GPC3: variants seen among roughly 807,000 people sequenced by gnomAD.
GPC3 encodes glypican-3.
A neutral mutation model predicts 34.4 loss-of-function variants in GPC3; 3 were observed. That is an observed-to-expected ratio of 0.09 (90% CI 0.04 to 0.23). GPC3 has a LOEUF of 0.23. Ranked by LOEUF, GPC3 falls within the 10% of genes least tolerant of loss-of-function variation. The pLI is 1.00. For synonymous variants in GPC3, 177 were observed against 174.0 expected (o/e 1.02, Z -0.13); for missense variants, 351 against 445.6 (o/e 0.79, Z 1.91).
chrX:133,609,937 T>C (rs925051258), intron 6 of GPC3, among the ~76,000 whole-genome samples: 18 of 112,379 alleles, frequency 1.6e-4, no homozygotes, highest in Middle Eastern at 4.6e-3. Flanking sequence ...GAAATAAGTA[T>C]ACAGTTGGAA....
Position 133,728,785 on chromosome X carries a change from T to G in GPC3, c.1032+24697A>C, listed in dbSNP as rs189493824. ...ATAACCTGAGTCTTGAAGGGCAATATGCTGAAAAGCTGTGCATTAGCTTTT... is the reference window on the plus strand; with the variant it reads ...ATAACCTGAGTCTTGAAGGGCAATAGGCTGAAAAGCTGTGCATTAGCTTTT... On this transcript the variant is annotated intron_variant, in intron 3 of 7. Coordinates refer to ENST00000370818, the MANE Select transcript of GPC3 (RefSeq NM_004484.4). Among the ~76,000 whole-genome samples the G allele has an allele frequency of 2.5e-4, 28 of 112,481 alleles. No homozygotes were observed. In the Middle Eastern group the frequency reaches 0.014, roughly 55 times the overall value.
chrX:133,795,337 G>A (rs1198354274), intron 2 of GPC3, among the ~76,000 whole-genome samples: 1 of 112,206 alleles, frequency 8.9e-6, no homozygotes, highest in African/African-American at 3.2e-5. Context: ...CACATAAAGT[G>A]GTCATAGCCA....
chrX:133,917,454 G>T lies in GPC3; in HGVS notation c.337+35596C>A, dbSNP rs1005846152. 2.7e-5 allele frequency among the ~76,000 whole-genome samples: 3 copies of T among 111,929 alleles called. No individual in the cohort carries two copies. The Admixed American group carries it at 2.9e-4, about 11-fold the overall frequency. ...AACCATGACTTAAACTGAAAAAGATGAAAACCTCAAGTTTAAATGGTCCAG... is the reference window on the plus strand; with the variant it reads ...AACCATGACTTAAACTGAAAAAGATTAAAACCTCAAGTTTAAATGGTCCAG... On this transcript the variant is annotated intron_variant, in intron 2 of 7. Transcript: ENST00000370818.
intron 4 of GPC3, among the ~76,000 whole-genome samples, chrX:133,697,779 C>G (rs1430366669): frequency 1.8e-5 from 2 of 112,175 alleles, no homozygotes; most frequent in African/African-American, 3.2e-5. Flanking sequence ...TTGATTCACT[C>G]AGGACATACT....
intron 2 of GPC3, among the ~76,000 whole-genome samples, chrX:133,804,621 A>T (rs909669416): frequency 5.4e-5 from 6 of 111,442 alleles, no homozygotes; most frequent in Non-Finnish European, 9.4e-5. Context: ...TTTTCTTAAC[A>T]TAATATTTCA....
chrX:133,883,041 C>A (rs1198600535), intron 2 of GPC3, among the ~76,000 whole-genome samples: 1 of 110,176 alleles, frequency 9.1e-6, no homozygotes, highest in Non-Finnish European at 1.9e-5. Context: ...GCCCCAAATG[C>A]CTTCACAGTC....
At chrX:133,974,006 C>T (rs929552950) in intron 1 of GPC3, among the ~76,000 whole-genome samples, 2 of 112,141 alleles carry the variant, frequency 1.8e-5, no homozygotes, top group Non-Finnish European at 1.9e-5. Context: ...TCACCTACTG[C>T]TAAGAGTAAC....
chrX:133,590,684 G>C (rs1438654570), intron 7 of GPC3, among the ~76,000 whole-genome samples: 1 of 111,644 alleles, frequency 9.0e-6, no homozygotes, highest in Non-Finnish European at 1.9e-5. Flanking sequence ...GACCACATGT[G>C]GGGAGCCCTT....
intron 2 of GPC3, among the ~76,000 whole-genome samples, chrX:133,846,248 G>A (rs762512714): frequency 1.8e-5 from 2 of 112,067 alleles, no homozygotes; most frequent in South Asian, 3.8e-4. Flanking sequence ...CTGAATTAAT[G>A]AGGTTCAACT....
intron 3 of GPC3, 47 bp downstream of exon 3, chrX:133,753,435 A>AC: frequency 2.9e-6 from 3 of 1,032,443 alleles, no homozygotes; most frequent in South Asian, 3.8e-5. Flanking sequence ...TGGCCACCTC[A>AC]CCCCAATAAG....
intron 7 of GPC3, among the ~76,000 whole-genome samples, chrX:133,544,826 C>T (rs767223213): frequency 3.7e-4 from 41 of 112,049 alleles, no homozygotes; most frequent in Middle Eastern, 4.6e-3. Context: ...CCACTGTGCC[C>T]GGCCTACCAT....
chrX:133,912,889 G>A (rs750696328), intron 2 of GPC3, among the ~76,000 whole-genome samples: 14 of 110,468 alleles, frequency 1.3e-4, no homozygotes, highest in Non-Finnish European at 2.7e-4. Context: ...CTATTAGGCA[G>A]TAAGAAATAT....
intron 2 of GPC3, among the ~76,000 whole-genome samples, chrX:133,920,444 T>C (rs987556534): frequency 8.9e-6 from 1 of 111,756 alleles, no homozygotes; most frequent in Non-Finnish European, 1.9e-5. Flanking sequence ...AGCATAAAAA[T>C]ATGTGTACAC....
chrX:133,732,574 T>C (rs187838386), intron 3 of GPC3, among the ~76,000 whole-genome samples: 1 of 111,439 alleles, frequency 9.0e-6, no homozygotes, highest in East Asian at 2.9e-4. Flanking sequence ...TGAGAAACCT[T>C]TAATCATCCT....
intron 2 of GPC3, among the ~76,000 whole-genome samples, chrX:133,811,492 C>G (rs778446547): frequency 2.7e-5 from 3 of 110,536 alleles, no homozygotes; most frequent in Non-Finnish European, 1.9e-5. Flanking sequence ...TGCTTGTTTT[C>G]TGTTTGTTTC....
Position 133,661,683 on chromosome X carries a change from C to T in GPC3, c.1413+47G>A, listed in dbSNP as rs747313457. The T allele has an allele frequency of 3.2e-5, 15 of 476,100 alleles. No homozygotes were observed. In the East Asian group the frequency reaches 4.2e-4, roughly 13 times the overall value. 39.2% of individuals were successfully genotyped at this position (476,100 alleles called of 1,213,427 possible). ...TCTCTCTCCCCCTCCTCCTCTCTCT[C>T]GGTTATTTCTACTTTTTATTATTAT... On this transcript the variant is annotated intron_variant, in intron 6 of 7. Transcript: ENST00000370818.
At chrX:133,560,480 T>G (rs2069531783) in intron 7 of GPC3, among the ~76,000 whole-genome samples, 1 of 112,796 alleles carries the variant, frequency 8.9e-6, no homozygotes, top group Non-Finnish European at 1.9e-5. Context: ...GGCTCACGCC[T>G]GTAATCCCAA....
intron 2 of GPC3, among the ~76,000 whole-genome samples, chrX:133,786,984 A>C (rs2072108221): frequency 8.9e-6 from 1 of 112,106 alleles, no homozygotes; most frequent in Non-Finnish European, 1.9e-5. Context: ...CAAGGAAATT[A>C]TCACAGGTCT....
At chrX:133,970,777 T>C (rs1327679931) in intron 1 of GPC3, among the ~76,000 whole-genome samples, 1 of 111,764 alleles carries the variant, frequency 8.9e-6, no homozygotes, top group Non-Finnish European at 1.9e-5. Context: ...AAGCACATTT[T>C]GTCTAACTTA....
Sources: gnomAD v4.1 joint callset for allele counts (sites outside exome capture counted in the v4.1 genomes callset) on GRCh38, gnomAD v4.1.1 for gene constraint, MANE v1.5 for transcripts, NCBI Gene and HGNC (gene_info 2026-07-23, HGNC 2026-07-21) for gene names.